The following FBXL17 variants were observed in gnomAD, a reference collection of about 807,000 sequenced individuals.
The protein encoded by FBXL17 is F-box/LRR-repeat protein 17.
Under a neutral mutation model 66.2 loss-of-function variants are expected in FBXL17, and 22 were observed. That is an observed-to-expected ratio of 0.33 (90% CI 0.24 to 0.47). The LOEUF (loss-of-function observed/expected upper bound fraction) is 0.47, where lower values mean the gene tolerates loss of function less well. FBXL17 is among the 20% of genes least tolerant of loss of function. FBXL17 has a pLI of 1.00. For missense variants in FBXL17, 878 were observed against 948.2 expected (o/e 0.93, Z 0.97); for synonymous variants, 474 against 400.5 (o/e 1.18, Z -2.19).
At chr5:107,946,256 TATATATATATA>T (rs1751276781) in intron 7 of FBXL17, among the ~76,000 whole-genome samples, 1 of 16,478 alleles carries the variant, frequency 6.1e-5, no homozygotes, top group African/African-American at 2.8e-4. Context: ...AATCTCATTT[TATATATATATA>T]TATATATATA....
At chr5:108,102,201 G>A (rs1749628524) in intron 6 of FBXL17, among the ~76,000 whole-genome samples, 1 of 152,208 alleles carries the variant, frequency 6.6e-6, no homozygotes, top group Non-Finnish European at 1.5e-5. Flanking sequence ...AGAGGGCACA[G>A]GAGAGCCTGG....
chr5:108,135,141 G>A (rs1373044782), intron 6 of FBXL17, among the ~76,000 whole-genome samples: 1 of 151,862 alleles, frequency 6.6e-6, no homozygotes. Context: ...GAGTACCAAT[G>A]GATATCATCT....
intron 4 of FBXL17, among the ~76,000 whole-genome samples, chr5:108,309,658 TA>T (rs1427626786): frequency 6.6e-6 from 1 of 152,032 alleles, no homozygotes; most frequent in Admixed American, 6.6e-5. Flanking sequence ...AAGCCACATA[TA>T]AAGAATAACT....
chr5:108,201,332 A>G (rs537771545), intron 5 of FBXL17, among the ~76,000 whole-genome samples: 4 of 152,178 alleles, frequency 2.6e-5, no homozygotes, highest in Non-Finnish European at 5.9e-5. Context: ...GTGTTGAAGT[A>G]TGCATGTAAA....
At chr5:107,903,223 A>AT (rs1749635680) in intron 7 of FBXL17, among the ~76,000 whole-genome samples, 1 of 152,138 alleles carries the variant, frequency 6.6e-6, no homozygotes, top group Non-Finnish European at 1.5e-5. Flanking sequence ...TTTGCTTTTG[A>AT]TTTTCAATTT....
At chr5:107,974,137 G>C (rs73204760) in intron 7 of FBXL17, among the ~76,000 whole-genome samples, 20,575 of 151,976 alleles carry the variant, frequency 0.14, 1,517 homozygotes, top group East Asian at 0.2. Flanking sequence ...ACTTTTAAAA[G>C]ATCAGTAATC....
intron 8 of FBXL17, chr5:107,879,521 T>C (rs1274467275): frequency 3.0e-6 from 3 of 985,408 alleles, no homozygotes; most frequent in Non-Finnish European, 2.4e-6. Context: ...GAATATATAA[T>C]AACATTTCTC....
At chr5:107,912,550 A>G (rs932777720) in intron 7 of FBXL17, among the ~76,000 whole-genome samples, 1 of 152,192 alleles carries the variant, frequency 6.6e-6, no homozygotes, top group Non-Finnish European at 1.5e-5. Flanking sequence ...GAATGAAGAA[A>G]GCATGTTATT....
chr5:108,187,413 T>C (rs777874465), intron 5 of FBXL17, among the ~76,000 whole-genome samples: 9 of 152,194 alleles, frequency 5.9e-5, no homozygotes, highest in Non-Finnish European at 1.3e-4. Context: ...ATTAAAGGTA[T>C]GGATCTCAAG....
At chr5:108,144,097 A>T (rs1561432039) in intron 6 of FBXL17, among the ~76,000 whole-genome samples, 1 of 152,164 alleles carries the variant, frequency 6.6e-6, no homozygotes, top group Admixed American at 6.5e-5. Context: ...CTTTGGTTCC[A>T]TAATTCTTTG....
chr5:108,381,026 G>A lies in FBXL17; in HGVS notation c.666C>T (p.Gly222=). ...CTCCCCCGCCACCGCCGCCGCCGCC[G>A]CCGCCGCAGCCCCCGCCGCCGCAGC... The part of the protein sequence containing the change: ...QPRCGGGGCG[G]GGGGGGGGGP... The change falls in exon 1 of 9, where the codon GGC becomes GGT. Residue 222 remains glycine (G), a synonymous_variant. Coordinates refer to ENST00000542267, the MANE Select transcript of FBXL17 (RefSeq NM_001163315.3). 1.7e-6 allele frequency: 2 copies of A among 1,188,990 alleles called. No individual in the cohort carries two copies. Among genetic ancestry groups the A allele is most frequent in the Non-Finnish European group, 2.1e-6 (2 of 960,926 alleles). The allele number at this position is 1,188,990 out of a possible 1,614,324, so 73.7% of individuals were successfully genotyped here.
intron 6 of FBXL17, among the ~76,000 whole-genome samples, chr5:108,076,981 T>A (rs747474860): frequency 6.6e-6 from 1 of 152,186 alleles, no homozygotes; most frequent in Non-Finnish European, 1.5e-5. Context: ...GTGCCTTGTC[T>A]ATATGGTTCT....
At chr5:108,363,903 AAT>A (rs1748497538) in intron 3 of FBXL17, among the ~76,000 whole-genome samples, 1 of 152,038 alleles carries the variant, frequency 6.6e-6, no homozygotes, top group Non-Finnish European at 1.5e-5. Flanking sequence ...AGATTAATTT[AAT>A]ATGTTTAAGA....
intron 7 of FBXL17, among the ~76,000 whole-genome samples, chr5:107,916,341 G>GT (rs900532582): frequency 4.6e-5 from 7 of 152,196 alleles, no homozygotes; most frequent in African/African-American, 1.4e-4. Context: ...TAAAATCACT[G>GT]TAAGAACCCA....
intron 7 of FBXL17, among the ~76,000 whole-genome samples, chr5:108,008,022 C>T (rs548614574): frequency 3.0e-4 from 46 of 152,184 alleles, no homozygotes; most frequent in East Asian, 5.8e-4. Flanking sequence ...AATAAAAGAA[C>T]GTGACAGAAA....
intron 7 of FBXL17, among the ~76,000 whole-genome samples, chr5:107,968,823 G>A (rs568951657): frequency 2.8e-4 from 42 of 152,096 alleles, no homozygotes; most frequent in African/African-American, 9.6e-4. Context: ...ATTCTGATAA[G>A]CTAGTTTTTT....
intron 7 of FBXL17, among the ~76,000 whole-genome samples, chr5:108,001,511 TG>T (rs1753727788): frequency 6.6e-6 from 1 of 152,186 alleles, no homozygotes; most frequent in African/African-American, 2.4e-5. Context: ...TATTTTTTTT[TG>T]TTTTTTGAGA....
At chr5:108,216,986 T>C (rs972642473) in intron 5 of FBXL17, among the ~76,000 whole-genome samples, 5 of 152,314 alleles carry the variant, frequency 3.3e-5, no homozygotes, top group African/African-American at 9.6e-5. Context: ...TTTGTGGGCA[T>C]GGGCACAGTG....
At chr5:108,014,274 A>T (rs1203958137) in intron 7 of FBXL17, among the ~76,000 whole-genome samples, 1 of 152,170 alleles carries the variant, frequency 6.6e-6, no homozygotes, top group Non-Finnish European at 1.5e-5. Flanking sequence ...TTAATATTTC[A>T]GTTAATGGTT....
Sources: allele counts gnomAD v4.1 joint callset (sites outside exome capture counted in the v4.1 genomes callset), GRCh38; gene constraint gnomAD v4.1.1; transcripts MANE v1.5; gene names NCBI Gene and HGNC (gene_info 2026-07-23, HGNC 2026-07-21).